SLC39A11: variants seen among roughly 807,000 people sequenced by gnomAD.
SLC39A11 encodes the protein zinc transporter ZIP11.
SLC39A11 carries 33 observed loss-of-function variants against 36.1 expected under a neutral mutation model. That is an observed-to-expected ratio of 0.91 (90% confidence interval 0.69 to 1.22). SLC39A11 has a LOEUF of 1.22. Ranked by LOEUF, SLC39A11 falls within the 50% of genes most tolerant of loss-of-function variation. The probability of loss-of-function intolerance (pLI) is 0.00; values close to 1 mark genes in which losing one functional copy is unlikely to be tolerated. For synonymous variants in SLC39A11, 166 were observed against 170.3 expected (o/e 0.97, Z 0.20); for missense variants, 432 against 430.3 (o/e 1.00, Z -0.03).
At position 72,950,009 on chromosome 17, in the gene SLC39A11, T is replaced by G. The variant is rs560471240; in HGVS notation, c.307-2134A>C. On this transcript the variant is annotated intron_variant, in intron 4 of 9. Transcript: ENST00000255559. The stretch of plus-strand genomic sequence containing the variant: ...CACACACACACACCCCTTCTTGTTT[T>G]TTCACTGTCATGATGATGAGAGTTA... Among the ~76,000 whole-genome samples the G allele has an allele frequency of 2.8e-3, 419 of 151,522 alleles. 2 individuals carry two copies. Among genetic ancestry groups the G allele is most frequent in the African/African-American group, 9.5e-3 (393 of 41,212 alleles).
At chr17:73,058,281 TC>T (rs1222502868) in intron 3 of SLC39A11, among the ~76,000 whole-genome samples, 1 of 152,130 alleles carries the variant, frequency 6.6e-6, no homozygotes, top group Non-Finnish European at 1.5e-5. Context: ...AATCGAAGTG[TC>T]CTCTGATTTA....
At chr17:72,678,512 C>G (rs2071371150) in intron 7 of SLC39A11, among the ~76,000 whole-genome samples, 2 of 152,102 alleles carry the variant, frequency 1.3e-5, no homozygotes, top group Admixed American at 1.3e-4. Context: ...TAAGACTAGC[C>G]TGGCCAACAT....
Position 73,088,731 on chromosome 17 carries a change from A to G in SLC39A11, c.34T>C (p.Leu12=), listed in dbSNP as rs770014888. The G allele has an allele frequency of 1.4e-5, 22 of 1,611,262 alleles. No individual in the cohort carries two copies. Among genetic ancestry groups the G allele is most frequent in the Middle Eastern group, 3.3e-4 (2 of 6,084 alleles). ...LQGHSSVFQA[L]LGTFFTWGMT... ...CCCCAGGTGAAGAAGGTCCCCAGCA[A>G]GGCCTGGAACACAGAGCTGTGGCCT... Residue 12 remains leucine (L), a synonymous_variant, in exon 2 of 10, where the codon TTG becomes CTG. Coordinates refer to ENST00000255559, the MANE Select transcript of SLC39A11 (RefSeq NM_139177.4).
intron 5 of SLC39A11, among the ~76,000 whole-genome samples, chr17:72,851,562 G>C (rs1031405234): frequency 5.3e-5 from 8 of 152,208 alleles, no homozygotes; most frequent in African/African-American, 1.4e-4. Context: ...GCTTCGCAGT[G>C]AACTACAACC....
intron 5 of SLC39A11, among the ~76,000 whole-genome samples, chr17:72,899,200 T>C (rs571521276): frequency 4.6e-5 from 7 of 152,156 alleles, no homozygotes; most frequent in South Asian, 2.1e-4. Context: ...GGCAGCTCCA[T>C]TTCCCCAGCA....
In SLC39A11 at chr17:73,057,025, T is replaced by C. The variant is rs540869019; in HGVS notation, c.148-25311A>G. Among the ~76,000 whole-genome samples the C allele has an allele frequency of 1.6e-3, 241 of 152,260 alleles. 1 individual carries two copies. Among genetic ancestry groups the C allele is most frequent in the African/African-American group, 5.4e-3 (225 of 41,548 alleles). On this transcript the variant is annotated intron_variant, in intron 3 of 9. Transcript: ENST00000255559. Reference sequence around the variant, plus strand: ...CCAAGGCTGGAGTGCAGCGGTATGATTTCAACTCACTGCAACCTCTGCCTC... The same window carrying C: ...CCAAGGCTGGAGTGCAGCGGTATGACTTCAACTCACTGCAACCTCTGCCTC...
At chr17:72,995,590 C>G (rs942273925) in intron 4 of SLC39A11, among the ~76,000 whole-genome samples, 3 of 152,162 alleles carry the variant, frequency 2.0e-5, no homozygotes, top group African/African-American at 7.2e-5. Flanking sequence ...CATGGAGGGC[C>G]TGAATAGAAC....
chr17:72,817,511 A>G (rs1456759410), intron 6 of SLC39A11, among the ~76,000 whole-genome samples: 1 of 152,166 alleles, frequency 6.6e-6, no homozygotes, highest in Non-Finnish European at 1.5e-5. Context: ...CCCATCTCCA[A>G]CAATGAAACT....
intron 4 of SLC39A11, among the ~76,000 whole-genome samples, chr17:73,024,461 T>C (rs1295435764): frequency 1.3e-5 from 2 of 152,254 alleles, no homozygotes; most frequent in African/African-American, 2.4e-5. Flanking sequence ...TTTGTCCTTT[T>C]TGTTTTCTGT....
At chr17:72,655,729 TGGA>T (rs1340279854) in intron 7 of SLC39A11, among the ~76,000 whole-genome samples, 1 of 152,146 alleles carries the variant, frequency 6.6e-6, no homozygotes, top group Non-Finnish European at 1.5e-5. Flanking sequence ...TGGGGAGCTT[TGGA>T]GGAGATCTGG....
intron 1 of SLC39A11, among the ~76,000 whole-genome samples, chr17:73,089,301 A>C (rs4969061): frequency 0.54 from 81,946 of 151,408 alleles, 22,380 homozygotes; most frequent in East Asian, 0.79. Context: ...TTTGATACCC[A>C]CCAACCCCCG....
chr17:72,852,170 A>G lies in SLC39A11; in HGVS notation c.431-2366T>C, dbSNP rs377376177. Among the ~76,000 whole-genome samples the G allele has an allele frequency of 2.0e-4, 26 of 133,060 alleles. 1 individual carries two copies. Among genetic ancestry groups the G allele is most frequent in the African/African-American group, 7.3e-4 (25 of 34,066 alleles). The allele number at this position is 133,060 out of a possible 152,430, so 87.3% of individuals were successfully genotyped here. ...CAGTGACCCGAGATCCCGCGGCTGC[A>G]CTCCAGCCTGGGCAACAGAGCAAGA... On this transcript the variant is annotated intron_variant, in intron 5 of 9. Coordinates refer to ENST00000255559, the MANE Select transcript of SLC39A11 (RefSeq NM_139177.4).
intron 7 of SLC39A11, among the ~76,000 whole-genome samples, chr17:72,658,179 G>A (rs965241901): frequency 1.3e-4 from 20 of 151,352 alleles, no homozygotes; most frequent in African/African-American, 4.4e-4. Flanking sequence ...GATGGAGGGG[G>A]GCTGGGCCCA....
chr17:72,909,496 A>C (rs1009165132), intron 5 of SLC39A11, among the ~76,000 whole-genome samples: 2 of 152,208 alleles, frequency 1.3e-5, no homozygotes, highest in African/African-American at 4.8e-5. Context: ...CGAAGAAAGA[A>C]CTGGTCCAGG....
intron 3 of SLC39A11, among the ~76,000 whole-genome samples, chr17:73,044,634 G>A (rs1032064116): frequency 1.3e-5 from 2 of 152,100 alleles, no homozygotes; most frequent in African/African-American, 2.4e-5. Context: ...AGCAATTTGG[G>A]AGGCCGAGGC....
intron 5 of SLC39A11, among the ~76,000 whole-genome samples, chr17:72,928,252 T>C (rs953708929): frequency 5.9e-5 from 9 of 152,196 alleles, no homozygotes; most frequent in African/African-American, 1.2e-4. Context: ...AGTTCACTAA[T>C]TGGATTCAGC....
At chr17:72,969,665 T>C (rs2087288577) in intron 4 of SLC39A11, among the ~76,000 whole-genome samples, 1 of 152,026 alleles carries the variant, frequency 6.6e-6, no homozygotes, top group African/African-American at 2.4e-5. Context: ...ATTATGTATA[T>C]AAATTTTCAA....
At chr17:73,079,307 C>A (rs575642725) in intron 3 of SLC39A11, among the ~76,000 whole-genome samples, 1 of 151,910 alleles carries the variant, frequency 6.6e-6, no homozygotes, top group Non-Finnish European at 1.5e-5. Flanking sequence ...ATGTTGGTCA[C>A]GCTGGTCTCA....
intron 6 of SLC39A11, among the ~76,000 whole-genome samples, chr17:72,743,438 T>C (rs913351908): frequency 2.0e-5 from 3 of 152,122 alleles, no homozygotes; most frequent in Admixed American, 6.5e-5. Flanking sequence ...CAAATGAGCA[T>C]TCTGTGATGG....
Sources: gnomAD v4.1 joint callset for allele counts (sites outside exome capture counted in the v4.1 genomes callset) on GRCh38, gnomAD v4.1.1 for gene constraint, MANE v1.5 for transcripts, NCBI Gene and HGNC (gene_info 2026-07-23, HGNC 2026-07-21) for gene names.